The following STARD9 variants were observed in gnomAD, a reference collection of about 807,000 sequenced individuals.
STARD9 encodes StAR related lipid transfer domain containing 9.
In STARD9, 346 loss-of-function variants were observed where a neutral mutation model predicts 399.8. That is an observed-to-expected ratio of 0.87 (90% CI 0.79 to 0.95). STARD9 has a LOEUF of 0.95. Among genes scored for constraint, STARD9 ranks in the 40% least tolerant of loss-of-function variants. The pLI is 0.00. For missense variants in STARD9, 5,832 were observed against 5,667.5 expected (o/e 1.03, Z -0.93); for synonymous variants, 2,203 against 2,143.5 (o/e 1.03, Z -0.77).
intron 15 of STARD9, among the ~76,000 whole-genome samples, chr15:42,666,730 A>C (rs4545789): frequency 0.24 from 36,845 of 152,142 alleles, 5,171 homozygotes; most frequent in African/African-American, 0.38. Context: ...TAACCAGGAA[A>C]GAGACTGCTG....
chr15:42,640,195 G>C (rs772673238), intron 7 of STARD9, among the ~76,000 whole-genome samples: 7 of 152,166 alleles, frequency 4.6e-5, no homozygotes, highest in African/African-American at 1.7e-4. Flanking sequence ...TAGGATTATA[G>C]ATGTGAGCCA....
intron 1 of STARD9, among the ~76,000 whole-genome samples, chr15:42,579,432 C>T (rs1566846867): frequency 6.6e-6 from 1 of 152,158 alleles, no homozygotes; most frequent in Admixed American, 6.5e-5. Context: ...GAAAACATAT[C>T]TAAAAATAGG....
chr15:42,656,337 A>T (rs1346721769), intron 9 of STARD9, among the ~76,000 whole-genome samples: 3 of 98,222 alleles, frequency 3.1e-5, no homozygotes, highest in Non-Finnish European at 6.9e-5. Context: ...TAAAAAAAAA[A>T]AAAAAAAAAA....
In STARD9 at chr15:42,673,495, C is replaced by A. The variant is rs574535304; in HGVS notation, c.1498-945C>A. On this transcript the variant is annotated intron_variant, in intron 16 of 32. Coordinates refer to ENST00000290607, the MANE Select transcript of STARD9 (RefSeq NM_020759.3). Reference sequence around the variant, plus strand: ...TGCAGGGGCTTAGGATCCAGAGAGACCTGATTTCTAGTTATAGCTCTTCTA... The same window carrying A: ...TGCAGGGGCTTAGGATCCAGAGAGAACTGATTTCTAGTTATAGCTCTTCTA... 3.9e-5 allele frequency among the ~76,000 whole-genome samples: 6 copies of A among 152,214 alleles called. No homozygotes were observed. In the East Asian group the frequency reaches 1.2e-3, roughly 29 times the overall value.
At chr15:42,630,059 A>C (rs1405423660) in intron 3 of STARD9, 1 of 134,174 alleles carries the variant, frequency 7.5e-6, no homozygotes, top group Non-Finnish European at 1.5e-5. Context: ...GCTGGAGTGC[A>C]GTGGTGCAAT....
At position 42,576,638 on chromosome 15, in the gene STARD9, G is replaced by C. The variant is rs116809323; in HGVS notation, c.47+876G>C. ...GTAAATCTGGCAGAGGGTGCTTTGG[G>C]GACCAGGAGGCACATGTTGGAATTA... On this transcript the variant is annotated intron_variant, in intron 1 of 32. Coordinates refer to ENST00000290607, the MANE Select transcript of STARD9 (RefSeq NM_020759.3). Among the ~76,000 whole-genome samples the C allele has an allele frequency of 9.7e-3, 1,477 of 152,212 alleles. 23 individuals are homozygous for C. The highest frequency in any genetic ancestry group is 0.034 in the African/African-American group (1,413 of 41,510).
intron 3 of STARD9, among the ~76,000 whole-genome samples, chr15:42,613,235 T>G (rs2141821041): frequency 6.6e-6 from 1 of 152,198 alleles, no homozygotes; most frequent in East Asian, 1.9e-4. Context: ...GTTTTTTAAC[T>G]TTTCAGAAAA....
At chr15:42,593,654 C>CTTTTTTTTTTTTTT in intron 3 of STARD9, among the ~76,000 whole-genome samples, 1 of 66,890 alleles carries the variant, frequency 1.5e-5, no homozygotes, top group Non-Finnish European at 2.6e-5. Flanking sequence ...GGTTGTGCTT[C>CTTTTTTTTTTTTTT]TTTTTTTTTT....
Position 42,685,441 on chromosome 15 carries a change from A to C in STARD9, c.3863A>C (p.Gln1288Pro), listed in dbSNP as rs1024204931. ...DPQFQPHCELQPHCELQPHCE... is the reference protein window; with the variant it reads ...DPQFQPHCELPPHCELQPHCE... Reference sequence around the variant, plus strand: ...CAGTTCCAACCCCATTGTGAGCTCCAACCCCATTGTGAGCTCCAACCCCAT... The same window carrying C: ...CAGTTCCAACCCCATTGTGAGCTCCCACCCCATTGTGAGCTCCAACCCCAT... The change falls in exon 23 of 33, where the codon CAA becomes CCA. Residue 1288 changes from glutamine (Q) to proline (P), a missense_variant. Gln to Pro is a moderately conservative substitution (Grantham distance 76). Around this residue, in one of 2 missense-constraint regions of STARD9, gnomAD observed 5,828 missense variants for 5,651.1 expected, o/e 1.03. Transcript: ENST00000290607. 3 of 1,537,138 alleles carry C rather than the reference A, an allele frequency of 2.0e-6. No homozygotes were observed. Among genetic ancestry groups the C allele is most frequent in the Non-Finnish European group, 1.7e-6 (2 of 1,146,848 alleles).
chr15:42,629,170 C>A (rs761951908), intron 3 of STARD9, among the ~76,000 whole-genome samples: 4 of 152,030 alleles, frequency 2.6e-5, no homozygotes, highest in Non-Finnish European at 5.9e-5. Context: ...TAGGTATACA[C>A]CACTACACCC....
Position 42,712,111 on chromosome 15 carries a change from A to AATATATATATT in STARD9, c.13285-4559_13285-4558insTATTATATATA, listed in dbSNP as rs1555411027. 6.3e-4 allele frequency among the ~76,000 whole-genome samples: 2 copies of AATATATATATT among 3,180 alleles called. 1 individual carries two copies. The highest frequency in any genetic ancestry group is 3.8e-3 in the African/African-American group (2 of 526). 2.1% of individuals were successfully genotyped at this position (3,180 alleles called of 152,430 possible). ...TATATATATATAATATATAATATAT[A>AATATATATATT]ATATATAATATATATATAAATGTGC... On this transcript the variant is annotated intron_variant, in intron 26 of 32. Transcript: ENST00000290607.
intron 3 of STARD9, among the ~76,000 whole-genome samples, chr15:42,594,973 A>G (rs1233147682): frequency 6.6e-6 from 1 of 152,164 alleles, no homozygotes; most frequent in Non-Finnish European, 1.5e-5. Context: ...GGAAACCCCA[A>G]CCCATTACAA....
chr15:42,598,034 G>GTGTGTGTGTA (rs1180402685), intron 3 of STARD9, among the ~76,000 whole-genome samples: 9 of 149,784 alleles, frequency 6.0e-5, no homozygotes, highest in Non-Finnish European at 1.2e-4. Flanking sequence ...GTGTGTGTGT[G>GTGTGTGTGTA]TGTGTGTATG....
intron 20 of STARD9, among the ~76,000 whole-genome samples, chr15:42,676,716 A>G (rs1352335794): frequency 1.3e-5 from 2 of 152,094 alleles, no homozygotes; most frequent in African/African-American, 4.8e-5. Context: ...TGTACGTCAA[A>G]GTGACCTCTG....
intron 26 of STARD9, among the ~76,000 whole-genome samples, chr15:42,705,667 T>C (rs559170610): frequency 6.6e-6 from 1 of 152,190 alleles, no homozygotes; most frequent in South Asian, 2.1e-4. Context: ...TCTCAAACTC[T>C]TGACCTCAGG....
intron 6 of STARD9, 143 bp from the exon 7 acceptor site, chr15:42,638,557 A>G (rs2059465437): frequency 5.3e-6 from 3 of 565,354 alleles, no homozygotes; most frequent in South Asian, 2.3e-5. Flanking sequence ...AAGAGAATCA[A>G]GGGGGAACCT....
chr15:42,710,225 AC>A (rs1329620451), intron 26 of STARD9, among the ~76,000 whole-genome samples: 1 of 150,484 alleles, frequency 6.6e-6, no homozygotes, highest in Non-Finnish European at 1.5e-5. Context: ...ATGCCCGGGT[AC>A]TTTTGTATTT....
At chr15:42,624,324 CTATT>C (rs553183818) in intron 3 of STARD9, among the ~76,000 whole-genome samples, 33 of 152,128 alleles carry the variant, frequency 2.2e-4, no homozygotes, top group African/African-American at 5.8e-4. Context: ...CAGAAAAACA[CTATT>C]TATGTCTATA....
chr15:42,630,664 A>G (rs2059315314), intron 3 of STARD9, among the ~76,000 whole-genome samples: 1 of 152,076 alleles, frequency 6.6e-6, no homozygotes, highest in African/African-American at 2.4e-5. Flanking sequence ...GGTAGATTGC[A>G]TGTGTCTAGG....
Sources: gnomAD v4.1 joint callset for allele counts (sites outside exome capture counted in the v4.1 genomes callset) on GRCh38, gnomAD v4.1.1 for gene constraint, gnomAD v4.1.1 regional missense constraint, MANE v1.5 for transcripts, NCBI Gene and HGNC (gene_info 2026-07-23, HGNC 2026-07-21) for gene names.